The following TRMT44 variants were observed in gnomAD, a reference collection of about 807,000 sequenced individuals.
The protein encoded by TRMT44 is probable tRNA (uracil-O(2)-)-methyltransferase.
TRMT44 carries 78 observed loss-of-function variants against 77.3 expected under a neutral mutation model. The ratio of observed to expected loss-of-function variants is 1.01; its 90% CI spans 0.84 to 1.22. The LOEUF is 1.22. TRMT44 is among the 50% of genes most tolerant of loss of function. The pLI is 0.00. For synonymous variants in TRMT44, 391 were observed against 383.3 expected, an observed-to-expected ratio of 1.02 and a Z score of -0.23; for missense variants, 1,090 against 964.4, an observed-to-expected ratio of 1.13 and a Z score of -1.73.
chr4:8,504,427 C>A, the TRMT44 span, among the ~76,000 whole-genome samples: 1 of 152,126 alleles, frequency 6.6e-6, no homozygotes, highest in African/African-American at 2.4e-5. The surrounding 1 kb of genome is among the most constrained non-coding windows in gnomAD (Gnocchi z 5.3). Context: ...GCTGTGCCAG[C>A]TCCAGCTTTT....
At chr4:8,501,156 C>T in the TRMT44 span, among the ~76,000 whole-genome samples, 211 of 152,304 alleles carry the variant, frequency 1.4e-3, 3 homozygotes, top group African/African-American at 3.9e-3. This position sits in a 1 kb window ranked among gnomAD's most constrained non-coding sequence, Gnocchi z 4.4. Context: ...ACTGCATGGC[C>T]GGCAATTCCA....
At chr4:8,502,365 G>A in the TRMT44 span, among the ~76,000 whole-genome samples, 1 of 152,236 alleles carries the variant, frequency 6.6e-6, no homozygotes, top group East Asian at 1.9e-4. Context: ...GGAAGCTTCT[G>A]AATATTTCTA....
chr4:8,449,896 T>C lies in TRMT44; in HGVS notation c.954+8T>C. 7.0e-7 allele frequency: 1 copy of C among 1,433,314 alleles called. No individual in the cohort carries two copies. The highest frequency in any genetic ancestry group is 9.3e-7 in the Non-Finnish European group (1 of 1,069,764). The allele number at this position is 1,433,314 out of a possible 1,614,324, so 88.8% of individuals were successfully genotyped here. A position where few individuals can be genotyped will look rare whatever the true frequency, so the allele number is the denominator to read the frequency against. On this transcript the variant is annotated splice_region_variant and intron_variant, in intron 3 of 10. Coordinates refer to ENST00000389737, the MANE Select transcript of TRMT44 (RefSeq NM_152544.3). ...TATAAGGAAATGGTTAAGGTAATTC[T>C]GGTGGAGAATATCTGATTTTTCCCC...
In TRMT44 at chr4:8,486,678, G is replaced by A. The variant is rs530828973; in HGVS notation, n.3892-6588G>A. On this transcript the variant is annotated intron_variant and non_coding_transcript_variant, in intron 2 of 2. Transcript: ENST00000511366. Reference sequence around the variant, plus strand: ...ATATTTGATGAAAAAGAGCCTAAACGCTATCTGATTTGGGATAAAGAAAAA... The same window carrying A: ...ATATTTGATGAAAAAGAGCCTAAACACTATCTGATTTGGGATAAAGAAAAA... Among the ~76,000 whole-genome samples the A allele has an allele frequency of 2.8e-3, 428 of 151,760 alleles. 1 individual carries two copies. Among genetic ancestry groups the A allele is most frequent in the African/African-American group, 9.8e-3 (405 of 41,294 alleles).
At chr4:8,457,027 C>CG in intron 6 of TRMT44, among the ~76,000 whole-genome samples, 1 of 108,268 alleles carries the variant, frequency 9.2e-6, no homozygotes, top group East Asian at 2.7e-4. Context: ...GCCCCCCCCC[C>CG]CCAACTATCT....
downstream of TRMT44, among the ~76,000 whole-genome samples, chr4:8,496,481 A>G (rs1349053820): frequency 2.0e-5 from 3 of 152,204 alleles, no homozygotes; most frequent in African/African-American, 7.2e-5. Flanking sequence ...TTGCATCTCA[A>G]GCCCGCCCCA....
At chr4:8,513,456 G>A in the TRMT44 span, among the ~76,000 whole-genome samples, 1 of 152,182 alleles carries the variant, frequency 6.6e-6, no homozygotes, top group Non-Finnish European at 1.5e-5. Flanking sequence ...TACAAATCAA[G>A]GTGAGATTTG....
rs574459203 is a variant in TRMT44 at position 8,454,641 on chromosome 4, C to G, written c.1132-101C>G. ...GCTGGCAGGAAGCTCTTCTCTTGCC[C>G]TTCGTCCTGCTGGCAGTGCCTGCAG... is the stretch of plus-strand genomic sequence containing the variant. On this transcript the variant is annotated intron_variant, in intron 5 of 10. Coordinates refer to ENST00000389737, the MANE Select transcript of TRMT44 (RefSeq NM_152544.3). 1.3e-5 allele frequency: 15 copies of G among 1,124,776 alleles called. No homozygotes were observed. In the African/African-American group the frequency reaches 1.4e-4, roughly 10 times the overall value. The allele number at this position is 1,124,776 out of a possible 1,614,324, so 69.7% of individuals were successfully genotyped here.
chr4:8,463,546 A>ACAG (rs1726306849), intron 6 of TRMT44, among the ~76,000 whole-genome samples: 1 of 152,192 alleles, frequency 6.6e-6, no homozygotes, highest in Non-Finnish European at 1.5e-5. Context: ...AAGGCCTGTG[A>ACAG]GGTTAGACCC....
At chr4:8,469,317 C>G (rs1364604717) in intron 9 of TRMT44, among the ~76,000 whole-genome samples, 1 of 152,174 alleles carries the variant, frequency 6.6e-6, no homozygotes, top group Non-Finnish European at 1.5e-5. Context: ...CACCAGGCAC[C>G]GTGGGGCCTC....
chr4:8,515,617 C>T, the TRMT44 span, among the ~76,000 whole-genome samples: 1 of 152,150 alleles, frequency 6.6e-6, no homozygotes. Context: ...GGGATATGAC[C>T]CCTGGGATGG....
chr4:8,484,726 G>A (rs1727749243), intron 2 of TRMT44, among the ~76,000 whole-genome samples: 1 of 152,162 alleles, frequency 6.6e-6, no homozygotes, highest in Non-Finnish European at 1.5e-5. Context: ...GATCTATGGG[G>A]TCAACTAGGT....
rs138593393 is a variant in TRMT44 at position 8,473,985 on chromosome 4, G to A, written c.2045-1787G>A. Among the ~76,000 whole-genome samples, 211 of 152,336 alleles carry A rather than the reference G, an allele frequency of 1.4e-3. 7 individuals carry two copies. In the East Asian group the frequency reaches 0.036, roughly 26 times the overall value. ...CCGCTCCTCAGTCCTTAGACACCCT[G>A]CAGGTCCTGCTTCCAAAACATGGTT... On this transcript the variant is annotated intron_variant, in intron 10 of 10. Transcript: ENST00000389737.
rs1221639446 is a variant in TRMT44, at chr4:8,452,009, C to G, written c.1004C>G (p.Ala335Gly). ...GAGAAGTTCGTGTATGAAGATGTGGCTATCGCAGCATACCTGCTGGTAAGG... is the reference window on the plus strand; with the variant it reads ...GAGAAGTTCGTGTATGAAGATGTGGGTATCGCAGCATACCTGCTGGTAAGG... ...DPEKFVYEDV[A>G]IAAYLLILWE... Residue 335 changes from alanine to glycine, a missense_variant, in exon 4 of 11, where the codon GCT (alanine) becomes GGT (glycine). Transcript: ENST00000389737. The surrounding 1 kb of genome is among the most constrained non-coding windows in gnomAD (Gnocchi z 5.7). 14 of 1,536,676 alleles carry G rather than the reference C, an allele frequency of 9.1e-6. No homozygotes were observed. Among genetic ancestry groups the G allele is most frequent in the Non-Finnish European group, 1.2e-5 (14 of 1,147,002 alleles).
downstream of TRMT44, among the ~76,000 whole-genome samples, chr4:8,496,088 G>A (rs922125042): frequency 2.4e-4 from 36 of 152,326 alleles, no homozygotes; most frequent in African/African-American, 8.4e-4. Flanking sequence ...GAACCAATGA[G>A]AAACCTTCAT....
At chr4:8,488,449 C>G (rs544585179) in intron 2 of TRMT44, among the ~76,000 whole-genome samples, 1 of 152,236 alleles carries the variant, frequency 6.6e-6, no homozygotes, top group East Asian at 1.9e-4. Context: ...CTCTGGTGGA[C>G]AGGAGTGGGG....
In TRMT44 at chr4:8,451,255, C is replaced by G. The variant is rs761631593; in HGVS notation, c.955-705C>G. Among the ~76,000 whole-genome samples, 1 of 152,068 alleles carries G rather than the reference C, an allele frequency of 6.6e-6. No individual in the cohort carries two copies. Among genetic ancestry groups the G allele is most frequent in the South Asian group, 2.1e-4 (1 of 4,822 alleles). On this transcript the variant is annotated intron_variant, in intron 3 of 10. Transcript: ENST00000389737. This position sits in a 1 kb window ranked among gnomAD's most constrained non-coding sequence, Gnocchi z 4.1. ...TGCCATCTTGTTAGCTATTTGGTAC[C>G]GTCCAGAAGGTACTTTTTATGTTTT... is the stretch of plus-strand genomic sequence containing the variant.
the TRMT44 span, chr4:8,509,019 A>G: frequency 6.6e-6 from 1 of 152,350 alleles, no homozygotes; most frequent in Non-Finnish European, 1.5e-5. Flanking sequence ...CCCTCTCTTG[A>G]GCAGATGACA....
intron 2 of TRMT44, among the ~76,000 whole-genome samples, chr4:8,492,701 C>T (rs1166132442): frequency 1.3e-5 from 2 of 152,232 alleles, no homozygotes; most frequent in Non-Finnish European, 2.9e-5. Context: ...AATGACAGAA[C>T]TCAAAGCCAC....
Sources: gnomAD v4.1 joint callset for allele counts (sites outside exome capture counted in the v4.1 genomes callset) on GRCh38, gnomAD v4.1.1 for gene constraint, Gnocchi (gnomAD v3.1) non-coding constraint, MANE v1.5 for transcripts, NCBI Gene and HGNC (gene_info 2026-07-23, HGNC 2026-07-21) for gene names.